KCNQ4: variants seen among roughly 807,000 people sequenced by gnomAD.
KCNQ4 encodes potassium voltage-gated channel subfamily Q member 4.
In KCNQ4, 31 loss-of-function variants were observed where a neutral mutation model predicts 72.6. The ratio of observed to expected loss-of-function variants is 0.43; its 90% confidence interval spans 0.32 to 0.58. The LOEUF (loss-of-function observed/expected upper bound fraction) is 0.58, where lower values mean the gene tolerates loss of function less well. Ranked by LOEUF, KCNQ4 falls within the 20% of genes least tolerant of loss-of-function variation. The pLI is 0.08. For missense variants in KCNQ4, 869 were observed against 962.6 expected, an observed-to-expected ratio of 0.90 and a Z score of 1.29; for synonymous variants, 405 against 403.7, an observed-to-expected ratio of 1.00 and a Z score of -0.04.
intron 12 of KCNQ4, 55 bp from the exon 13 acceptor site, chr1:40,837,610 G>A (rs920682680): frequency 1.7e-4 from 262 of 1,586,976 alleles, no homozygotes; most frequent in Non-Finnish European, 2.2e-4. Context: ...TATAATTCTT[G>A]TGGAAGGGAG....
In KCNQ4 at chr1:40,788,080, G is replaced by A. The variant is rs1283818786; in HGVS notation, c.314+3673G>A. ...GGAGGAGGTGGCAGCAGCTTCTGGG[G>A]CCCGCAGACTCCTAACCCCCGAGCC... On this transcript the variant is annotated intron_variant, in intron 1 of 13. Transcript: ENST00000347132. This position sits in a 1 kb window ranked among gnomAD's most constrained non-coding sequence, Gnocchi z 4.5. Among the ~76,000 whole-genome samples, 1 of 152,134 alleles carries A rather than the reference G, an allele frequency of 6.6e-6. No individual in the cohort carries two copies. Among genetic ancestry groups the A allele is most frequent in the African/African-American group, 2.4e-5 (1 of 41,412 alleles).
Position 40,819,919 on chromosome 1 carries a change from A to G in KCNQ4, c.879A>G (p.Thr293=), listed in dbSNP as rs12143503. The part of the protein sequence containing the change: ...TIGYGDKTPH[T]WLGRVLAAGF... ...GCTATGGTGACAAGACACCGCACAC[A>G]TGGCTGGGCAGGGTCCTGGCTGCTG... The change falls in exon 6 of 14, where the codon ACA becomes ACG. Residue 293 remains threonine (T), a synonymous_variant. Transcript: ENST00000347132. 0.093 allele frequency: 150,020 copies of G among 1,612,286 alleles called. 7,875 individuals are homozygous for G. The highest frequency in any genetic ancestry group is 0.19 in the East Asian group (8,700 of 44,850).
Position 40,824,233 on chromosome 1 carries a change from A to G in KCNQ4, c.1267A>G (p.Ser423Gly), listed in dbSNP as rs368294870. 151 of 1,608,566 alleles carry G rather than the reference A, an allele frequency of 9.4e-5. No homozygotes were observed. The highest frequency in any genetic ancestry group is 1.6e-4 in the Middle Eastern group (1 of 6,068). ...CGTTGCCACCTGCCACCGGCCGGGC[A>G]GCACCTCCTTCTGCCCTGGGGAAAG... ...PPVATCHRPG[S>G]TSFCPGESSR... Residue 423 changes from serine (S) to glycine (G), a missense_variant, in exon 9 of 14, where the codon AGC becomes GGC. Coordinates refer to ENST00000347132, the MANE Select transcript of KCNQ4 (RefSeq NM_004700.4).
chr1:40,816,894 TC>T (rs138790386), intron 1 of KCNQ4, among the ~76,000 whole-genome samples: 12,139 of 152,204 alleles, frequency 0.08, 642 homozygotes, highest in East Asian at 0.24. Context: ...GGGGCACTTC[TC>T]CCAAGACATC....
In KCNQ4 at chr1:40,809,504, T is replaced by C. The variant is rs564388326; in HGVS notation, c.315-7761T>C. ...ACTCATGGCACCTTCATCCATCCAATGCCCAAACCAGAAATAGAGAAGTTG... is the reference window on the plus strand; with the variant it reads ...ACTCATGGCACCTTCATCCATCCAACGCCCAAACCAGAAATAGAGAAGTTG... On this transcript the variant is annotated intron_variant, in intron 1 of 13. Coordinates refer to ENST00000347132, the MANE Select transcript of KCNQ4 (RefSeq NM_004700.4). 8.5e-5 allele frequency among the ~76,000 whole-genome samples: 13 copies of C among 152,314 alleles called. No individual in the cohort carries two copies. The East Asian group carries it at 2.5e-3, about 29-fold the overall frequency.
chr1:40,826,368 C>A (rs1648478385), intron 9 of KCNQ4, among the ~76,000 whole-genome samples: 1 of 152,234 alleles, frequency 6.6e-6, no homozygotes, highest in Non-Finnish European at 1.5e-5. Flanking sequence ...GTTCAAAATG[C>A]AGATACCTGG....
chr1:40,784,469 G>A lies in KCNQ4; in HGVS notation c.314+62G>A, dbSNP rs1647184332. 6.6e-6 allele frequency: 10 copies of A among 1,516,384 alleles called. No homozygotes were observed. In the South Asian group the frequency reaches 1.0e-4, roughly 15 times the overall value. 93.9% of individuals were successfully genotyped at this position (1,516,384 alleles called of 1,614,324 possible). On this transcript the variant is annotated intron_variant, in intron 1 of 13. Coordinates refer to ENST00000347132, the MANE Select transcript of KCNQ4 (RefSeq NM_004700.4). This position sits in a 1 kb window ranked among gnomAD's most constrained non-coding sequence, Gnocchi z 4.1. ...GCGCAAGCCTGGCCTCCCGGGGCAC[G>A]GCCGCCCCGCCCTGGCTCCGCCTTC... is the stretch of plus-strand genomic sequence containing the variant.
At chr1:40,832,756 C>A (rs1282255498) in intron 10 of KCNQ4, among the ~76,000 whole-genome samples, 1 of 152,198 alleles carries the variant, frequency 6.6e-6, no homozygotes, top group African/African-American at 2.4e-5. Flanking sequence ...GCCAGCTGTG[C>A]CCTAAAGCAG....
At chr1:40,824,801 G>C (rs931559015) in intron 9 of KCNQ4, among the ~76,000 whole-genome samples, 1 of 152,210 alleles carries the variant, frequency 6.6e-6, no homozygotes, top group Non-Finnish European at 1.5e-5. Context: ...TGTAGGACCT[G>C]CGTAAACTCA....
At chr1:40,800,175 A>G (rs1489952933) in intron 1 of KCNQ4, among the ~76,000 whole-genome samples, 1 of 152,132 alleles carries the variant, frequency 6.6e-6, no homozygotes, top group Non-Finnish European at 1.5e-5. Context: ...TGTAGTGGGT[A>G]TAGCAAAAGC....
rs117067658 is a variant in KCNQ4, at chr1:40,828,262, C to T, written c.1293-2822C>T. Among the ~76,000 whole-genome samples, 236 of 152,318 alleles carry T rather than the reference C, an allele frequency of 1.5e-3. 1 individual carries two copies. The East Asian group carries it at 0.032, about 21-fold the overall frequency. The stretch of plus-strand genomic sequence containing the variant: ...CTCGGCCTCCCCAGCAGGGCAGCCA[C>T]AGTCCAGCCCACCCCATCTTTCTCC... On this transcript the variant is annotated intron_variant, in intron 9 of 13. Coordinates refer to ENST00000347132, the MANE Select transcript of KCNQ4 (RefSeq NM_004700.4).
intron 1 of KCNQ4, among the ~76,000 whole-genome samples, chr1:40,787,034 G>A (rs1647209820): frequency 6.6e-6 from 1 of 152,116 alleles, no homozygotes; most frequent in African/African-American, 2.4e-5. Context: ...CTGTTAGCTA[G>A]GACCCCCTTC....
At position 40,817,047 on chromosome 1, in the gene KCNQ4, A is replaced by G. The variant is rs935645598; in HGVS notation, c.315-218A>G. On this transcript the variant is annotated intron_variant, in intron 1 of 13. Coordinates refer to ENST00000347132, the MANE Select transcript of KCNQ4 (RefSeq NM_004700.4). The surrounding 1 kb of genome is among the most constrained non-coding windows in gnomAD (Gnocchi z 5.5). ...GAGCTGCAGCCTGCAGCAGGGGGCA[A>G]TTGAGATAGTTGTGAGGTCCAGTAG... is the stretch of plus-strand genomic sequence containing the variant. 2.6e-5 allele frequency among the ~76,000 whole-genome samples: 4 copies of G among 152,372 alleles called. No individual in the cohort carries two copies. Among genetic ancestry groups the G allele is most frequent in the South Asian group, 2.1e-4 (1 of 4,830 alleles).
chr1:40,818,353 T>C (rs1315636660), intron 3 of KCNQ4, 63 bp downstream of exon 3: 2 of 1,607,422 alleles, frequency 1.2e-6, no homozygotes, highest in Non-Finnish European at 1.7e-6. Flanking sequence ...ACGCCTTTAC[T>C]CCCAATCCCG....
At chr1:40,826,154 T>C (rs1648471947) in intron 9 of KCNQ4, among the ~76,000 whole-genome samples, 1 of 152,134 alleles carries the variant, frequency 6.6e-6, no homozygotes, top group Non-Finnish European at 1.5e-5. Flanking sequence ...CACACACACA[T>C]ATACACACTC....
intron 1 of KCNQ4, among the ~76,000 whole-genome samples, chr1:40,810,229 C>G (rs191977754): frequency 3.3e-5 from 5 of 152,182 alleles, no homozygotes; most frequent in Non-Finnish European, 5.9e-5. Context: ...GCTGCCTCGA[C>G]GGCCACATTC....
chr1:40,805,190 A>T (rs1463209330), intron 1 of KCNQ4: 1 of 152,180 alleles, frequency 6.6e-6, no homozygotes, highest in East Asian at 1.9e-4. Flanking sequence ...AGTCACTGGC[A>T]TCTCTTGCCA....
chr1:40,832,970 G>A (rs781673936), intron 10 of KCNQ4, 44 bp from the exon 11 acceptor site: 6 of 1,428,520 alleles, frequency 4.2e-6, no homozygotes, highest in South Asian at 3.4e-5. Context: ...GAGGTTGGGA[G>A]TGGCCCCTTT....
At chr1:40,833,889 G>T (rs1035904473) in intron 11 of KCNQ4, among the ~76,000 whole-genome samples, 3 of 151,434 alleles carry the variant, frequency 2.0e-5, no homozygotes, top group African/African-American at 7.3e-5. Context: ...TGCCCCTGTA[G>T]TTCCAGCTAC....
Sources: allele counts gnomAD v4.1 joint callset (sites outside exome capture counted in the v4.1 genomes callset), GRCh38; gene constraint gnomAD v4.1.1; non-coding constraint Gnocchi (gnomAD v3.1); transcripts MANE v1.5; gene names NCBI Gene and HGNC (gene_info 2026-07-23, HGNC 2026-07-21).